Variants in RASEF observed in about 807,000 individuals in gnomAD.
RASEF encodes RAS and EF-hand domain containing, also known as ras and EF-hand domain-containing protein.
Under a neutral mutation model 90.1 loss-of-function variants are expected in RASEF, and 68 were observed. The ratio of observed to expected loss-of-function variants is 0.75; its 90% CI spans 0.62 to 0.92. The LOEUF (loss-of-function observed/expected upper bound fraction) is 0.92. Among genes scored for constraint, RASEF ranks in the 40% least tolerant of loss-of-function variants. The pLI is 0.00. For synonymous variants in RASEF, 331 were observed against 345.2 expected (o/e 0.96, Z 0.46); for missense variants, 949 against 937.2 (o/e 1.01, Z -0.16).
the RASEF span, among the ~76,000 whole-genome samples, chr9:83,126,180 C>T: frequency 6.6e-6 from 1 of 152,236 alleles, no homozygotes; most frequent in South Asian, 2.1e-4. Context: ...TGAACCCTAA[C>T]CCCAATGTGA....
intron 1 of RASEF, among the ~76,000 whole-genome samples, chr9:83,052,313 T>A (rs1479719747): frequency 7.2e-6 from 1 of 138,802 alleles, no homozygotes; most frequent in Non-Finnish European, 1.5e-5. Context: ...TTCTTCTAGA[T>A]TTTCTAGTTT....
At chr9:82,996,717 G>C (rs1328398944) in intron 14 of RASEF, among the ~76,000 whole-genome samples, 3 of 152,030 alleles carry the variant, frequency 2.0e-5, no homozygotes, top group African/African-American at 7.2e-5. Flanking sequence ...TTCTTCCTAG[G>C]CTACCTGGAT....
chr9:83,203,274 C>CTTTT, the RASEF span, among the ~76,000 whole-genome samples: 1 of 146,784 alleles, frequency 6.8e-6, no homozygotes, highest in African/African-American at 2.5e-5. Context: ...TATTTCAGTC[C>CTTTT]TTTTTTTTTT....
the RASEF span, among the ~76,000 whole-genome samples, chr9:83,177,345 G>T: frequency 6.6e-6 from 1 of 152,112 alleles, no homozygotes; most frequent in Non-Finnish European, 1.5e-5. Flanking sequence ...TCACTTACCC[G>T]AAGAATTCCC....
chr9:83,206,652 A>T, the RASEF span, among the ~76,000 whole-genome samples: 1 of 152,254 alleles, frequency 6.6e-6, no homozygotes, highest in Non-Finnish European at 1.5e-5. Flanking sequence ...GTGTTTATGG[A>T]AAATGAAGCC....
rs1829001032 is a variant in RASEF at position 83,000,153 on chromosome 9, G to A, written c.1723+16C>T. ...GAAGGTCATTTTCCCATTATCAACC[G>A]AAATACGAGCCATACCCAGGGTGGC... On this transcript the variant is annotated intron_variant, in intron 12 of 16. Coordinates refer to ENST00000376447, the MANE Select transcript of RASEF (RefSeq NM_152573.4). 6 of 1,607,858 alleles carry A rather than the reference G, an allele frequency of 3.7e-6. No homozygotes were observed. Among genetic ancestry groups the A allele is most frequent in the East Asian group, 2.2e-5 (1 of 44,844 alleles).
At chr9:83,057,896 A>G (rs1473753422) in intron 1 of RASEF, among the ~76,000 whole-genome samples, 3 of 149,016 alleles carry the variant, frequency 2.0e-5, no homozygotes, top group Non-Finnish European at 4.4e-5. Context: ...CCACAAACAC[A>G]TCCCAAAGCA....
the RASEF span, among the ~76,000 whole-genome samples, chr9:83,160,577 G>A: frequency 6.6e-6 from 1 of 152,170 alleles, no homozygotes; most frequent in Non-Finnish European, 1.5e-5. Context: ...TGGAAAATTT[G>A]CAGCCTGACA....
In RASEF at chr9:83,018,773, C is replaced by T. The variant is rs548132955; in HGVS notation, c.670-2873G>A. ...CCAACAGGTATCAAGACATTATAAA[C>T]CAATAGGTATCAAGACAATGTAATA... On this transcript the variant is annotated intron_variant, in intron 3 of 16. Transcript: ENST00000376447. 3.3e-5 allele frequency among the ~76,000 whole-genome samples: 5 copies of T among 152,066 alleles called. No homozygotes were observed. The South Asian group carries it at 1.0e-3, about 32-fold the overall frequency.
intron 1 of RASEF, among the ~76,000 whole-genome samples, chr9:83,059,624 C>T (rs993916758): frequency 1.3e-5 from 2 of 152,154 alleles, no homozygotes; most frequent in African/African-American, 4.8e-5. Context: ...TCAACACCCA[C>T]ACATTTTCTT....
At chr9:83,108,351 A>G in the RASEF span, among the ~76,000 whole-genome samples, 1 of 152,198 alleles carries the variant, frequency 6.6e-6, no homozygotes, top group African/African-American at 2.4e-5. Flanking sequence ...TCAGAGAACT[A>G]TGGCCCCCTG....
chr9:82,987,686 T>G (rs2118370366), intron 16 of RASEF, among the ~76,000 whole-genome samples: 1 of 152,140 alleles, frequency 6.6e-6, no homozygotes, highest in East Asian at 1.9e-4. Context: ...ATAAGACAAC[T>G]GAGCATTAAA....
At chr9:83,117,328 T>C in the RASEF span, among the ~76,000 whole-genome samples, 1 of 152,202 alleles carries the variant, frequency 6.6e-6, no homozygotes, top group Non-Finnish European at 1.5e-5. Flanking sequence ...TGTTTATGCA[T>C]AGAGCCTATA....
chr9:83,001,215 G>A, intron 9 of RASEF, 85 bp from the exon 10 acceptor site: 1 of 918,370 alleles, frequency 1.1e-6, no homozygotes, highest in Non-Finnish European at 1.7e-6. Context: ...CCATTAGATG[G>A]AATCAAGTAG....
At chr9:83,015,462 C>T (rs941288610) in intron 4 of RASEF, among the ~76,000 whole-genome samples, 1 of 152,122 alleles carries the variant, frequency 6.6e-6, no homozygotes, top group African/African-American at 2.4e-5. Context: ...GGGTGGATCA[C>T]CTGAGGTCAG....
intron 3 of RASEF, among the ~76,000 whole-genome samples, chr9:83,016,146 T>C (rs1829339000): frequency 6.6e-6 from 1 of 151,970 alleles, no homozygotes; most frequent in Non-Finnish European, 1.5e-5. Flanking sequence ...CACCCGGGAG[T>C]GACACCTCTA....
chr9:83,058,199 T>TG (rs1404423761), intron 1 of RASEF, among the ~76,000 whole-genome samples: 1 of 138,148 alleles, frequency 7.2e-6, no homozygotes, highest in Non-Finnish European at 1.5e-5. Context: ...TTTTTTTTTT[T>TG]TGAGAAGGAG....
At chr9:83,090,646 C>T in the RASEF span, among the ~76,000 whole-genome samples, 1,485 of 152,156 alleles carry the variant, frequency 9.8e-3, 21 homozygotes, top group African/African-American at 0.034. Flanking sequence ...TCAGGTGATC[C>T]GCCTCAGCCT....
the RASEF span, among the ~76,000 whole-genome samples, chr9:83,218,314 G>A: frequency 5.3e-5 from 8 of 152,016 alleles, no homozygotes; most frequent in Admixed American, 5.2e-4. Flanking sequence ...AACTCTTTTG[G>A]GTTACTGTGA....
Sources: allele counts gnomAD v4.1 joint callset (sites outside exome capture counted in the v4.1 genomes callset), GRCh38; gene constraint gnomAD v4.1.1; transcripts MANE v1.5; gene names NCBI Gene and HGNC (gene_info 2026-07-23, HGNC 2026-07-21).